The following BRD10 variants were observed in gnomAD, a reference collection of about 807,000 sequenced individuals.
The protein encoded by BRD10 is bromodomain containing 10.
chr9:5,951,692 C>CA, the BRD10 span, among the ~76,000 whole-genome samples: 1 of 152,132 alleles, frequency 6.6e-6, no homozygotes, highest in Non-Finnish European at 1.5e-5. Context: ...GTGGAAGACT[C>CA]AAATAAAGTA....
chr9:5,954,091 TTTTCC>T, the BRD10 span: 6 of 1,537,110 alleles, frequency 3.9e-6, no homozygotes, highest in East Asian at 2.4e-5. Context: ...AGACGGATTT[TTTTCC>T]TTTCAAGATT....
At chr9:5,943,337 T>C in the BRD10 span, among the ~76,000 whole-genome samples, 1 of 152,132 alleles carries the variant, frequency 6.6e-6, no homozygotes, top group Non-Finnish European at 1.5e-5. Context: ...CATTAAAAAA[T>C]GCTCTAATTT....
At chr9:5,896,177 C>A in the BRD10 span, among the ~76,000 whole-genome samples, 1 of 152,204 alleles carries the variant, frequency 6.6e-6, no homozygotes, top group Non-Finnish European at 1.5e-5. Flanking sequence ...GCCCTGGGCA[C>A]TTGACCAGCA....
the BRD10 span, among the ~76,000 whole-genome samples, chr9:6,006,383 A>G: frequency 9.2e-5 from 14 of 152,332 alleles, no homozygotes; most frequent in South Asian, 2.9e-3. Context: ...AATACCAAAA[A>G]CATTGAATTT....
At chr9:5,896,716 C>G in the BRD10 span, among the ~76,000 whole-genome samples, 2 of 152,196 alleles carry the variant, frequency 1.3e-5, no homozygotes, top group African/African-American at 4.8e-5. Flanking sequence ...GTGAACAGCT[C>G]CAGGCCCTGT....
chr9:5,945,255 C>G, the BRD10 span, among the ~76,000 whole-genome samples: 100 of 152,166 alleles, frequency 6.6e-4, no homozygotes, highest in African/African-American at 2.3e-3. Context: ...TAACTTTCAG[C>G]CCAGAATGAC....
At chr9:5,885,945 C>T in the BRD10 span, among the ~76,000 whole-genome samples, 1 of 152,198 alleles carries the variant, frequency 6.6e-6, no homozygotes, top group East Asian at 1.9e-4. Context: ...CTGGGATTTT[C>T]AGGCATAACC....
At chr9:5,921,311 T>C in the BRD10 span, 1 of 1,613,946 alleles carries the variant, frequency 6.2e-7, no homozygotes, top group Admixed American at 1.7e-5. Flanking sequence ...TGGTGATGAA[T>C]TTATTTTTAT....
At chr9:6,008,402 G>A in the BRD10 span, 1 of 629,166 alleles carries the variant, frequency 1.6e-6, no homozygotes, top group African/African-American at 2.0e-5. Flanking sequence ...GAAGGGGGAG[G>A]GCACTCAGCC....
chr9:5,884,347 C>T, the BRD10 span, among the ~76,000 whole-genome samples: 1 of 152,192 alleles, frequency 6.6e-6, no homozygotes, highest in African/African-American at 2.4e-5. Context: ...AAAGGCTCAG[C>T]GTGGTATTCC....
the BRD10 span, among the ~76,000 whole-genome samples, chr9:5,893,350 CT>C: frequency 2.0e-5 from 3 of 152,186 alleles, no homozygotes; most frequent in African/African-American, 7.2e-5. Context: ...GGACAACACC[CT>C]CTTATGTGGT....
At chr9:5,919,387 T>G in the BRD10 span, 2 of 251,174 alleles carry the variant, frequency 8.0e-6, no homozygotes, top group African/African-American at 2.2e-5. Flanking sequence ...TCTAAACTAT[T>G]CAAACTTTGT....
At chr9:5,951,911 G>A in the BRD10 span, among the ~76,000 whole-genome samples, 5 of 152,066 alleles carry the variant, frequency 3.3e-5, no homozygotes, top group East Asian at 1.9e-4. Context: ...CTGTTTTCAT[G>A]AGACTATTAC....
the BRD10 span, among the ~76,000 whole-genome samples, chr9:5,981,721 A>G: frequency 5.0e-3 from 764 of 152,336 alleles, 6 homozygotes; most frequent in Middle Eastern, 0.027. Context: ...TATAATAATG[A>G]AACAACAGAA....
the BRD10 span, among the ~76,000 whole-genome samples, chr9:6,001,947 T>C: frequency 6.6e-6 from 1 of 152,196 alleles, no homozygotes; most frequent in African/African-American, 2.4e-5. Context: ...ACTAAGACAC[T>C]ACATAGAATT....
At chr9:5,928,983 T>C in the BRD10 span, 1 of 879,706 alleles carries the variant, frequency 1.1e-6, no homozygotes, top group Non-Finnish European at 1.8e-6. Context: ...CAGGACATCA[T>C]CCAAAAATCG....
the BRD10 span, among the ~76,000 whole-genome samples, chr9:5,970,789 G>A: frequency 1.3e-5 from 2 of 152,050 alleles, no homozygotes; most frequent in Non-Finnish European, 2.9e-5. Flanking sequence ...AGTGGCTCAC[G>A]CCTGTAATCC....
the BRD10 span, chr9:6,008,210 C>T: frequency 1.0e-6 from 1 of 979,980 alleles, no homozygotes; most frequent in South Asian, 4.7e-5. Context: ...CTCCTCTCCC[C>T]TCCCCGGAGG....
the BRD10 span, among the ~76,000 whole-genome samples, chr9:5,978,547 C>G: frequency 6.6e-6 from 1 of 152,080 alleles, no homozygotes; most frequent in African/African-American, 2.4e-5. Flanking sequence ...TCAAGTCCAT[C>G]AGTCAACCTT....
Sources: allele counts gnomAD v4.1 joint callset (sites outside exome capture counted in the v4.1 genomes callset), GRCh38; gene constraint gnomAD v4.1.1; transcripts MANE v1.5; gene names NCBI Gene and HGNC (gene_info 2026-07-23, HGNC 2026-07-21).